The following DPYSL4 variants were observed in gnomAD, a reference collection of about 807,000 sequenced individuals.
DPYSL4 encodes the protein dihydropyrimidinase-related protein 4.
Under a neutral mutation model 63.4 loss-of-function variants are expected in DPYSL4, and 43 were observed. That is an observed-to-expected ratio of 0.68 (90% CI 0.53 to 0.88). DPYSL4 has a LOEUF of 0.88. DPYSL4 is among the 40% of genes least tolerant of loss of function. The pLI is 0.00. For synonymous variants in DPYSL4, 353 were observed against 331.7 expected, an observed-to-expected ratio of 1.06 and a Z score of -0.70; for missense variants, 733 against 819.5, an observed-to-expected ratio of 0.89 and a Z score of 1.29.
chr10:132,189,842 T>C (rs2061850859), intron 1 of DPYSL4, among the ~76,000 whole-genome samples: 1 of 152,222 alleles, frequency 6.6e-6, no homozygotes, highest in Non-Finnish European at 1.5e-5. Context: ...TGAAACCTGC[T>C]TAAGGCCCCC....
chr10:132,187,113 T>G lies in DPYSL4; in HGVS notation c.39+11T>G. Reference sequence around the variant, plus strand: ...ATCCCCCGGATCACGGTGAGCCCGGTCCCGCTTCGCCCGGCGCCCCCTGCC... The same window carrying G: ...ATCCCCCGGATCACGGTGAGCCCGGGCCCGCTTCGCCCGGCGCCCCCTGCC... On this transcript the variant is annotated intron_variant, in intron 1 of 13. Transcript: ENST00000338492. 1 of 1,491,056 alleles carries G rather than the reference T, an allele frequency of 6.7e-7. No homozygotes were observed. Among genetic ancestry groups the G allele is most frequent in the Non-Finnish European group, 9.0e-7 (1 of 1,108,146 alleles). 92.4% of individuals were successfully genotyped at this position (1,491,056 alleles called of 1,614,324 possible).
chr10:132,199,296 C>A (rs1039753592), intron 8 of DPYSL4, among the ~76,000 whole-genome samples: 3 of 152,184 alleles, frequency 2.0e-5, no homozygotes, highest in Non-Finnish European at 4.4e-5. Flanking sequence ...CCAGTTCCAA[C>A]AAGGAGGCCC....
intron 7 of DPYSL4, among the ~76,000 whole-genome samples, 159 bp downstream of exon 7, chr10:132,198,642 C>T (rs747434737): frequency 6.6e-6 from 1 of 152,188 alleles, no homozygotes; most frequent in Non-Finnish European, 1.5e-5. Flanking sequence ...AGGCACTTGT[C>T]CTCCATCCCC....
intron 8 of DPYSL4, 64 bp downstream of exon 8, chr10:132,199,035 T>C: frequency 6.4e-7 from 1 of 1,562,888 alleles, no homozygotes; most frequent in Non-Finnish European, 8.7e-7. Context: ...GGTGCAGCCC[T>C]GGGGAGATGC....
chr10:132,200,807 A>C, intron 9 of DPYSL4, 35 bp from the exon 10 acceptor site: 1 of 1,601,342 alleles, frequency 6.2e-7, no homozygotes, highest in Non-Finnish European at 8.5e-7. Context: ...CCGGCTCAGG[A>C]AGGCCAGGAC....
Position 132,202,641 on chromosome 10 carries a change from C to T in DPYSL4, c.1282-5C>T. On this transcript the variant is annotated splice_region_variant and splice_polypyrimidine_tract_variant and intron_variant, in intron 11 of 13. Transcript: ENST00000338492. ...GGCACTGGACCCTCGGGCCTCTCTCCCCAGAACGTGGAGTACAACATCTTC... is the reference window on the plus strand; with the variant it reads ...GGCACTGGACCCTCGGGCCTCTCTCTCCAGAACGTGGAGTACAACATCTTC... 6.2e-7 allele frequency: 1 copy of T among 1,611,906 alleles called. No homozygotes were observed. The highest frequency in any genetic ancestry group is 1.9e-4 in the Middle Eastern group (1 of 5,292).
At chr10:132,195,928 A>T (rs2818419) in intron 4 of DPYSL4, among the ~76,000 whole-genome samples, 1 of 152,216 alleles carries the variant, frequency 6.6e-6, no homozygotes, top group East Asian at 1.9e-4. Flanking sequence ...GCTCCCCAAG[A>T]GCCATGCAGG....
chr10:132,198,531 C>T (rs1367312308), intron 7 of DPYSL4, 48 bp downstream of exon 7: 7 of 1,530,332 alleles, frequency 4.6e-6, no homozygotes, highest in South Asian at 2.4e-5. Flanking sequence ...TCCGCCCAGA[C>T]CACTGCTGCC....
At chr10:132,192,976 T>A in intron 3 of DPYSL4, 134 bp downstream of exon 3, 2 of 910,106 alleles carry the variant, frequency 2.2e-6, no homozygotes, top group Non-Finnish European at 3.2e-6. Context: ...TGCATCTGTC[T>A]GAGAACCTGG....
chr10:132,187,533 C>G (rs2061819534), intron 1 of DPYSL4, among the ~76,000 whole-genome samples: 1 of 152,112 alleles, frequency 6.6e-6, no homozygotes, highest in Non-Finnish European at 1.5e-5. Flanking sequence ...TTGGCCCGGG[C>G]TGGTCCGGGG....
At chr10:132,190,942 G>A in intron 2 of DPYSL4, 107 bp downstream of exon 2, 2 of 1,103,150 alleles carry the variant, frequency 1.8e-6, no homozygotes, top group Non-Finnish European at 2.6e-6. Context: ...TGTACACGCT[G>A]GTCACGTGGT....
chr10:132,198,996 T>C (rs79667358), intron 8 of DPYSL4, 25 bp downstream of exon 8: 33 of 1,220,510 alleles, frequency 2.7e-5, no homozygotes, highest in Admixed American at 4.3e-5. Flanking sequence ...CCGCCTCTGA[T>C]GCCGAGGGGC....
chr10:132,198,999 C>A, intron 8 of DPYSL4, 28 bp downstream of exon 8: 1 of 1,219,382 alleles, frequency 8.2e-7, no homozygotes, highest in Non-Finnish European at 1.1e-6. Context: ...CCTCTGATGC[C>A]GAGGGGCCAT....
chr10:132,187,138 C>T (rs1225726620), intron 1 of DPYSL4, 36 bp downstream of exon 1: 1 of 1,502,972 alleles, frequency 6.7e-7, no homozygotes, highest in Non-Finnish European at 9.0e-7. Context: ...CGCCCCCTGC[C>T]CGCCGCCCGG....
At chr10:132,202,160 C>A (rs376422290) in intron 11 of DPYSL4, 44 bp downstream of exon 11, 1 of 1,587,434 alleles carries the variant, frequency 6.3e-7, no homozygotes, top group East Asian at 2.2e-5. Context: ...TTTGTGGGGC[C>A]GGGACCCCAG....
In DPYSL4 at chr10:132,186,994, T is replaced by TCCGCCCCCC; in HGVS notation, c.-68_-67insGCCCCCCCC. The TCCGCCCCCC allele has an allele frequency of 9.2e-6, 2 of 217,372 alleles. No individual in the cohort carries two copies. The highest frequency in any genetic ancestry group is 1.5e-4 in the South Asian group (2 of 13,406). The allele number at this position is 217,372 out of a possible 1,614,324, so 13.5% of individuals were successfully genotyped here. A position where few individuals can be genotyped will look rare whatever the true frequency, so the allele number is the denominator to read the frequency against. ...CCACGCACGCGTCCCGGCTCACGCG[T>TCCGCCCCCC]CCCCCCGCCCGCCCGCCCGCCCGCC... On this transcript the variant is annotated 5_prime_UTR_variant, in exon 1 of 14. Transcript: ENST00000338492.
At position 132,192,643 on chromosome 10, in the gene DPYSL4, C is replaced by T; in HGVS notation, c.129-15C>T. 1.3e-6 allele frequency: 2 copies of T among 1,589,140 alleles called. No homozygotes were observed. The highest frequency in any genetic ancestry group is 1.7e-6 in the Non-Finnish European group (2 of 1,166,380). On this transcript the variant is annotated splice_polypyrimidine_tract_variant and intron_variant, in intron 2 of 13. Coordinates refer to ENST00000338492, the MANE Select transcript of DPYSL4 (RefSeq NM_006426.3). ...CTGGGCTCCCTGTAACCAGTGAAAT[C>T]TCTGCTGCTTTCAGACAAATCGGAG...
At position 132,202,126 on chromosome 10, in the gene DPYSL4, G is replaced by A. The variant is rs200845314; in HGVS notation, c.1281+10G>A. 91 of 1,608,984 alleles carry A rather than the reference G, an allele frequency of 5.7e-5. No homozygotes were observed. The highest frequency in any genetic ancestry group is 7.3e-5 in the Non-Finnish European group (86 of 1,177,484). ...CAAGACCCACAATCTGGTAAGAGAA[G>A]GCGGCTGTAAGTCAGGGTTGGCCTT... On this transcript the variant is annotated intron_variant, in intron 11 of 13. Transcript: ENST00000338492.
intron 4 of DPYSL4, among the ~76,000 whole-genome samples, chr10:132,195,252 C>T (rs2061927709): frequency 6.6e-6 from 1 of 152,212 alleles, no homozygotes; most frequent in African/African-American, 2.4e-5. Context: ...AAAGATGCAG[C>T]AGATCCGTCG....
Sources: allele counts gnomAD v4.1 joint callset (sites outside exome capture counted in the v4.1 genomes callset), GRCh38; gene constraint gnomAD v4.1.1; transcripts MANE v1.5; gene names NCBI Gene and HGNC (gene_info 2026-07-23, HGNC 2026-07-21).